SYN2: variants seen among roughly 807,000 people sequenced by gnomAD.
The protein encoded by SYN2 is synapsin II, also known as synapsin-2.
SYN2 carries 19 observed loss-of-function variants against 50.9 expected under a neutral mutation model. The observed-to-expected ratio is 0.37, with a 90% confidence interval of 0.26 to 0.55. SYN2 has a LOEUF of 0.55. Ranked by LOEUF, SYN2 falls within the 20% of genes least tolerant of loss-of-function variation. The pLI, the probability that SYN2 is intolerant of heterozygous loss-of-function variation, is 0.81. For synonymous variants in SYN2, 255 were observed against 224.9 expected, an observed-to-expected ratio of 1.13 and a Z score of -1.20; for missense variants, 587 against 576.4, an observed-to-expected ratio of 1.02 and a Z score of -0.19.
intron 12 of SYN2, among the ~76,000 whole-genome samples, chr3:12,189,960 C>A (rs546190110): frequency 4.6e-5 from 7 of 152,246 alleles, no homozygotes; most frequent in African/African-American, 1.4e-4. Context: ...CAGATGAGAA[C>A]CCAAAGAGAG....
At chr3:12,013,686 C>T (rs761976952) in intron 1 of SYN2, among the ~76,000 whole-genome samples, 1 of 152,182 alleles carries the variant, frequency 6.6e-6, no homozygotes, top group Non-Finnish European at 1.5e-5. Flanking sequence ...CAAGTCTCAT[C>T]ATGATTTCCA....
At chr3:12,089,288 A>C (rs1296495439) in intron 1 of SYN2, among the ~76,000 whole-genome samples, 1 of 152,192 alleles carries the variant, frequency 6.6e-6, no homozygotes, top group Non-Finnish European at 1.5e-5. Context: ...GGCTGCAGGC[A>C]AGAGAGAACT....
At chr3:12,137,247 C>CAA (rs551962770) in intron 1 of SYN2, among the ~76,000 whole-genome samples, 30 of 97,872 alleles carry the variant, frequency 3.1e-4, no homozygotes, top group South Asian at 1.0e-3. Context: ...GATCCTGTCT[C>CAA]AAAAAAAAAA....
chr3:12,062,334 T>C (rs1284881658), intron 1 of SYN2, among the ~76,000 whole-genome samples: 1 of 152,004 alleles, frequency 6.6e-6, no homozygotes, highest in African/African-American at 2.4e-5. Context: ...GACACAAATC[T>C]TATACTTTTG....
At chr3:12,049,924 TTTTG>T (rs1192579588) in intron 1 of SYN2, among the ~76,000 whole-genome samples, 5 of 152,116 alleles carry the variant, frequency 3.3e-5, no homozygotes, top group East Asian at 3.9e-4. Flanking sequence ...TCTCGACAGT[TTTTG>T]TTTGTTTTCT....
At chr3:12,146,328 A>G (rs1574965956) in intron 4 of SYN2, among the ~76,000 whole-genome samples, 1 of 152,268 alleles carries the variant, frequency 6.6e-6, no homozygotes, top group African/African-American at 2.4e-5. Flanking sequence ...AATGAAATTT[A>G]TCCTCATGCA....
intron 11 of SYN2, among the ~76,000 whole-genome samples, chr3:12,185,969 A>C (rs143631446): frequency 6.6e-6 from 1 of 152,198 alleles, no homozygotes; most frequent in East Asian, 1.9e-4. Context: ...GCAGAATTCC[A>C]TTGATTTATG....
At chr3:12,013,521 G>T (rs1383346042) in intron 1 of SYN2, among the ~76,000 whole-genome samples, 2 of 152,072 alleles carry the variant, frequency 1.3e-5, no homozygotes, top group Admixed American at 6.6e-5. Context: ...GCAGCTGCCT[G>T]CTGGACATCT....
chr3:12,185,434 G>A (rs904948129), intron 11 of SYN2: 1 of 985,754 alleles, frequency 1.0e-6, no homozygotes. Context: ...TTTCAGGTGG[G>A]GGAGAAATTG....
At chr3:12,054,249 C>T (rs547514329) in intron 1 of SYN2, among the ~76,000 whole-genome samples, 1 of 152,224 alleles carries the variant, frequency 6.6e-6, no homozygotes, top group South Asian at 2.1e-4. Flanking sequence ...GTTCTGTCTC[C>T]CACTGGTTAA....
At chr3:12,183,943 A>T (rs1698284049) in intron 11 of SYN2, 1 of 992,026 alleles carries the variant, frequency 1.0e-6, no homozygotes, top group Non-Finnish European at 1.2e-6. Flanking sequence ...TTCTTTCTGC[A>T]TGACTATTGT....
At chr3:12,070,744 G>A in intron 1 of SYN2, 2 of 796,244 alleles carry the variant, frequency 2.5e-6, no homozygotes, top group African/African-American at 1.7e-5. Context: ...CGAGGCCTAA[G>A]CCCTCCCCCA....
chr3:12,188,021 C>T (rs372750211), intron 12 of SYN2, among the ~76,000 whole-genome samples: 1 of 27,268 alleles, frequency 3.7e-5, no homozygotes, highest in African/African-American at 1.6e-4. Flanking sequence ...GTGTTTCTTT[C>T]TTTGTAAAAA....
intron 1 of SYN2, among the ~76,000 whole-genome samples, chr3:12,127,172 T>G (rs886714624): frequency 1.3e-5 from 2 of 152,174 alleles, no homozygotes; most frequent in African/African-American, 4.8e-5. Context: ...CCAGCTTGAG[T>G]TGGTTTTTAA....
chr3:12,173,698 G>A (rs1180033928), intron 10 of SYN2, among the ~76,000 whole-genome samples: 3 of 151,894 alleles, frequency 2.0e-5, no homozygotes, highest in Admixed American at 1.3e-4. Flanking sequence ...GGTAGATCAC[G>A]AGGTCAGGAG....
intron 1 of SYN2, among the ~76,000 whole-genome samples, chr3:12,056,814 G>C (rs909774412): frequency 1.1e-4 from 16 of 152,112 alleles, no homozygotes; most frequent in African/African-American, 3.1e-4. Flanking sequence ...TAAACCTAGT[G>C]TCTATAGTAT....
chr3:12,062,144 C>T (rs1695124360), intron 1 of SYN2, among the ~76,000 whole-genome samples: 1 of 151,862 alleles, frequency 6.6e-6, no homozygotes, highest in Admixed American at 6.6e-5. Flanking sequence ...GTTATCCATG[C>T]AGTATGATGA....
At chr3:12,051,669 A>T (rs889188101) in intron 1 of SYN2, among the ~76,000 whole-genome samples, 1 of 152,224 alleles carries the variant, frequency 6.6e-6, no homozygotes, top group Admixed American at 6.5e-5. Flanking sequence ...GAAACTGAAC[A>T]TGCAGGCTTA....
chr3:12,024,199 C>G (rs1694206873), intron 1 of SYN2, among the ~76,000 whole-genome samples: 1 of 133,016 alleles, frequency 7.5e-6, no homozygotes, highest in South Asian at 2.6e-4. Context: ...CTCTGTCGCC[C>G]AGGCTGGAGT....
Sources: allele counts gnomAD v4.1 joint callset (sites outside exome capture counted in the v4.1 genomes callset), GRCh38; gene constraint gnomAD v4.1.1; transcripts MANE v1.5; gene names NCBI Gene and HGNC (gene_info 2026-07-23, HGNC 2026-07-21).